BICD1: variants seen among roughly 807,000 people sequenced by gnomAD.
BICD1 encodes the protein BICD cargo adaptor 1, also known as protein bicaudal D homolog 1.
A neutral mutation model predicts 92.5 loss-of-function variants in BICD1; 35 were observed. The ratio of observed to expected loss-of-function variants is 0.38; its 90% CI spans 0.29 to 0.50. The LOEUF is 0.50. Among genes scored for constraint, BICD1 ranks in the 20% least tolerant of loss-of-function variants. The pLI, the probability that BICD1 is intolerant of heterozygous loss-of-function variation, is 0.93. For missense variants in BICD1, 950 were observed against 1,189.8 expected (o/e 0.80, Z 2.97); for synonymous variants, 429 against 465.1 (o/e 0.92, Z 1.00).
chr12:32,245,944 C>T (rs910666750), intron 2 of BICD1, among the ~76,000 whole-genome samples: 2 of 140,922 alleles, frequency 1.4e-5, no homozygotes, highest in Non-Finnish European at 3.0e-5. Context: ...ATGGGAGAAT[C>T]GCTTGAACCC....
Position 32,294,163 on chromosome 12 carries a change from T to C in BICD1, c.579+17T>C, listed in dbSNP as rs1947798835. 1.3e-6 allele frequency: 2 copies of C among 1,580,548 alleles called. No individual in the cohort carries two copies. The highest frequency in any genetic ancestry group is 3.4e-4 in the Middle Eastern group (2 of 5,948). ...CAGAACCAGGTAAGGTTTAAGAAATTTTTTGTTATACTGAAGATGGATCTA... is the reference window on the plus strand; with the variant it reads ...CAGAACCAGGTAAGGTTTAAGAAATCTTTTGTTATACTGAAGATGGATCTA... On this transcript the variant is annotated intron_variant, in intron 3 of 9. Transcript: ENST00000652176.
intron 2 of BICD1, among the ~76,000 whole-genome samples, chr12:32,218,557 A>G (rs1945424879): frequency 6.6e-6 from 1 of 152,234 alleles, no homozygotes; most frequent in African/African-American, 2.4e-5. Context: ...TATAAGCACC[A>G]TGATCTCCTG....
chr12:32,263,331 G>T (rs979766370), intron 2 of BICD1, among the ~76,000 whole-genome samples: 1 of 152,030 alleles, frequency 6.6e-6, no homozygotes, highest in African/African-American at 2.4e-5. Context: ...GGTGGATCAC[G>T]AGGTCAGGAG....
intron 3 of BICD1, among the ~76,000 whole-genome samples, chr12:32,299,828 C>T (rs908501317): frequency 1.3e-5 from 2 of 152,120 alleles, no homozygotes; most frequent in Non-Finnish European, 2.9e-5. Context: ...GAAGTCTAGG[C>T]CATCAATTGA....
chr12:32,259,333 G>C (rs1946798407), intron 2 of BICD1, among the ~76,000 whole-genome samples: 1 of 152,134 alleles, frequency 6.6e-6, no homozygotes, highest in South Asian at 2.1e-4. Context: ...TTGGCACCTG[G>C]GTAATCCTCC....
chr12:32,123,212 A>G (rs1379619), intron 1 of BICD1, among the ~76,000 whole-genome samples: 43,751 of 152,018 alleles, frequency 0.29, 6,544 homozygotes, highest in Admixed American at 0.43. Context: ...GAGAAGACAC[A>G]CTAAGGAGGC....
chr12:32,288,736 G>A (rs1023679862), intron 2 of BICD1, among the ~76,000 whole-genome samples: 4 of 151,836 alleles, frequency 2.6e-5, no homozygotes, highest in Non-Finnish European at 5.9e-5. Context: ...TGTGGTAGCA[G>A]GCACCTGTAA....
rs563863382 is a variant in BICD1 at position 32,351,351 on chromosome 12, T to C, written c.2764+12372T>C. 4.6e-3 allele frequency among the ~76,000 whole-genome samples: 701 copies of C among 151,276 alleles called. 13 individuals carry two copies. The highest frequency in any genetic ancestry group is 0.016 in the African/African-American group (677 of 41,266). ...AAATACAAAAATTAGCCGGGCATGG[T>C]GGCGCACGCCTGTAATTTCAGCTAC... On this transcript the variant is annotated intron_variant, in intron 8 of 9. Transcript: ENST00000652176.
chr12:32,142,545 C>A (rs975901112), intron 1 of BICD1, among the ~76,000 whole-genome samples: 2 of 125,986 alleles, frequency 1.6e-5, no homozygotes, highest in Admixed American at 8.6e-5. Context: ...ATTAAAAATG[C>A]TTTATTGTTA....
chr12:32,206,819 G>A (rs1165705720), intron 1 of BICD1, among the ~76,000 whole-genome samples: 3 of 152,080 alleles, frequency 2.0e-5, no homozygotes, highest in Non-Finnish European at 4.4e-5. Flanking sequence ...CTACATTGAT[G>A]TAGCTGCAGT....
Position 32,367,727 on chromosome 12 carries a change from A to G in BICD1, c.2822A>G (p.Gln941Arg), listed in dbSNP as rs1176710096. ...PPQCSQLAGR[Q>R]DCPTVSPDTA... ...CAGTGCTCACAACTAGCCGGGAGGC[A>G]AGACTGCCCAACTGTCAGGTAAATT... Residue 941 changes from glutamine to arginine, a missense_variant, in exon 9 of 10, where the codon CAA (glutamine) becomes CGA (arginine). Physicochemically the swap from Gln to Arg is conservative, Grantham distance 43. This residue lies in a region of BICD1 where 179 missense variants were observed against 186.7 expected (regional missense o/e 0.96). Transcript: ENST00000652176. 2 of 1,614,144 alleles carry G rather than the reference A, an allele frequency of 1.2e-6. No homozygotes were observed. Among genetic ancestry groups the G allele is most frequent in the East Asian group, 4.5e-5 (2 of 44,890 alleles).
chr12:32,293,866 GA>G, intron 2 of BICD1, 127 bp from the exon 3 acceptor site: 2 of 947,556 alleles, frequency 2.1e-6, no homozygotes, highest in Non-Finnish European at 1.5e-6. Context: ...ATTGCCATTC[GA>G]AAAAATGCAG....
At chr12:32,115,395 T>TTTTG (rs1310086862) in intron 1 of BICD1, among the ~76,000 whole-genome samples, 3 of 151,664 alleles carry the variant, frequency 2.0e-5, no homozygotes, top group African/African-American at 7.3e-5. Flanking sequence ...TGGTTTTTTT[T>TTTTG]TTTTTGCTGT....
At chr12:32,317,859 T>C (rs1410495550) in intron 4 of BICD1, among the ~76,000 whole-genome samples, 1 of 152,046 alleles carries the variant, frequency 6.6e-6, no homozygotes, top group Admixed American at 6.6e-5. Context: ...AACATTTAAG[T>C]CTTTAATCCA....
At chr12:32,252,169 A>G (rs61191403) in intron 2 of BICD1, among the ~76,000 whole-genome samples, 1 of 126,704 alleles carries the variant, frequency 7.9e-6, no homozygotes, top group African/African-American at 3.1e-5. Context: ...TATATTTATA[A>G]TAAATATTAT....
chr12:32,305,792 G>T lies in BICD1; in HGVS notation c.675G>T (p.Glu225Asp). Residue 225 changes from glutamate to aspartate, a missense_variant, in exon 4 of 10, where the codon GAG (glutamate) becomes GAT (aspartate). By Grantham distance (45) the Glu-to-Asp change is conservative (BLOSUM62 2). This residue lies in a region of BICD1 where 246 missense variants were observed against 258.4 expected (regional missense o/e 0.95). Coordinates refer to ENST00000652176, the MANE Select transcript of BICD1 (RefSeq NM_001714.4). ...TGGAAGATGCCATCCGATTGAAAGAGATTGCTGAGCACCAACTGGAAGAAG... is the reference window on the plus strand; with the variant it reads ...TGGAAGATGCCATCCGATTGAAAGATATTGCTGAGCACCAACTGGAAGAAG... ...SQLEDAIRLK[E>D]IAEHQLEEAL... 1 of 1,614,198 alleles carries T rather than the reference G, an allele frequency of 6.2e-7. No homozygotes were observed. The highest frequency in any genetic ancestry group is 8.5e-7 in the Non-Finnish European group (1 of 1,180,036).
intron 2 of BICD1, among the ~76,000 whole-genome samples, chr12:32,271,877 A>G (rs941027993): frequency 6.6e-6 from 1 of 152,164 alleles, no homozygotes; most frequent in Non-Finnish European, 1.5e-5. Flanking sequence ...GCCTGAAGCC[A>G]AGAGACAATG....
At chr12:32,237,877 A>G (rs1364977339) in intron 2 of BICD1, among the ~76,000 whole-genome samples, 1 of 152,218 alleles carries the variant, frequency 6.6e-6, no homozygotes, top group Admixed American at 6.5e-5. Flanking sequence ...CTGGGCAGCC[A>G]ATGGATCCAG....
chr12:32,324,365 A>C (rs1055314447), intron 4 of BICD1, among the ~76,000 whole-genome samples: 8 of 113,746 alleles, frequency 7.0e-5, no homozygotes, highest in Non-Finnish European at 1.1e-4. Flanking sequence ...AAAAAAAAAC[A>C]AAAAAAAAAA....
Sources: allele counts gnomAD v4.1 joint callset (sites outside exome capture counted in the v4.1 genomes callset), GRCh38; gene constraint gnomAD v4.1.1; regional missense constraint gnomAD v4.1.1; transcripts MANE v1.5; gene names NCBI Gene and HGNC (gene_info 2026-07-23, HGNC 2026-07-21).